The following NR2C2 variants were observed in gnomAD, a reference collection of about 807,000 sequenced individuals.
NR2C2 encodes nuclear receptor subfamily 2 group C member 2, also known as Nuclear hormone receptor TR4.
Under a neutral mutation model 62.9 loss-of-function variants are expected in NR2C2, and 6 were observed. The observed-to-expected ratio is 0.10, with a 90% CI of 0.05 to 0.19. The LOEUF is 0.19. NR2C2 is among the 10% of genes least tolerant of loss of function. The pLI is 1.00. For missense variants in NR2C2, 479 were observed against 762.7 expected, an observed-to-expected ratio of 0.63 and a Z score of 4.38; for synonymous variants, 272 against 273.8, an observed-to-expected ratio of 0.99 and a Z score of 0.07.
chr3:15,011,056 C>T (rs1047244545), intron 2 of NR2C2, among the ~76,000 whole-genome samples: 5 of 152,178 alleles, frequency 3.3e-5, no homozygotes, highest in African/African-American at 1.2e-4. Context: ...TAGACATGAG[C>T]TGGGCTTGGT....
rs2042524380 is a variant in NR2C2, at chr3:15,048,202, C to T, written c.*5194C>T. On this transcript the variant is annotated 3_prime_UTR_variant, in exon 14 of 14. Transcript: ENST00000425241. Reference sequence around the variant, plus strand: ...CAGTGGGTCATTTAGCCTTCAGCTTCCCTGTTTTTGATGTAGAGAAAGCTT... The same window carrying T: ...CAGTGGGTCATTTAGCCTTCAGCTTTCCTGTTTTTGATGTAGAGAAAGCTT... 6.5e-6 allele frequency: 1 copy of T among 152,782 alleles called. No homozygotes were observed. The allele number at this position is 152,782 out of a possible 1,614,324, so 9.5% of individuals were successfully genotyped here.
chr3:14,996,349 T>G lies in NR2C2; in HGVS notation c.-39-7527T>G, dbSNP rs2040831996. Among the ~76,000 whole-genome samples, 3 of 152,308 alleles carry G rather than the reference T, an allele frequency of 2.0e-5. No individual in the cohort carries two copies. The South Asian group carries it at 6.2e-4, about 32-fold the overall frequency. Reference sequence around the variant, plus strand: ...AGAATTTTCTGTTTGAGAGACACATTAGCACATTGTATCATGTGTAGCAAA... The same window carrying G: ...AGAATTTTCTGTTTGAGAGACACATGAGCACATTGTATCATGTGTAGCAAA... On this transcript the variant is annotated intron_variant, in intron 1 of 13. Coordinates refer to ENST00000425241, the MANE Select transcript of NR2C2 (RefSeq NM_001291694.2).
intron 8 of NR2C2, among the ~76,000 whole-genome samples, chr3:15,029,225 G>A (rs1424734450): frequency 6.6e-6 from 1 of 151,636 alleles, no homozygotes. Flanking sequence ...GTTTACAGGC[G>A]TGCGCCACCA....
At chr3:14,972,187 T>C (rs1366822631) in intron 1 of NR2C2, among the ~76,000 whole-genome samples, 1 of 149,642 alleles carries the variant, frequency 6.7e-6, no homozygotes, top group Non-Finnish European at 1.5e-5. Flanking sequence ...TTTTTTTTTT[T>C]TTTCTGAGAC....
intron 2 of NR2C2, among the ~76,000 whole-genome samples, chr3:15,007,783 G>A (rs1278246514): frequency 6.6e-6 from 1 of 152,194 alleles, no homozygotes; most frequent in African/African-American, 2.4e-5. Flanking sequence ...AGCTTAGAGG[G>A]AAGAAATACT....
chr3:15,022,672 C>A (rs1015975603), intron 5 of NR2C2, among the ~76,000 whole-genome samples: 4 of 152,022 alleles, frequency 2.6e-5, no homozygotes, highest in African/African-American at 9.7e-5. Context: ...TGAGCCACCA[C>A]CCCCGGCCCA....
In NR2C2 at chr3:15,021,007, C is replaced by G. The variant is rs891537040; in HGVS notation, c.556+75C>G. The G allele has an allele frequency of 7.2e-6, 10 of 1,389,610 alleles. No individual in the cohort carries two copies. In the Admixed American group the frequency reaches 2.1e-4, roughly 30 times the overall value. The allele number at this position is 1,389,610 out of a possible 1,614,324, so 86.1% of individuals were successfully genotyped here. On this transcript the variant is annotated intron_variant, in intron 5 of 13. Transcript: ENST00000425241. Reference sequence around the variant, plus strand: ...TAAATGAGTCCATTAAATAAGGTTTCTATACCTGGCCTTAAAATACTTTAA... The same window carrying G: ...TAAATGAGTCCATTAAATAAGGTTTGTATACCTGGCCTTAAAATACTTTAA...
In NR2C2 at chr3:14,952,369, C is replaced by T. The variant is rs183389072; in HGVS notation, c.-40+4463C>T. Among the ~76,000 whole-genome samples, 6 of 152,288 alleles carry T rather than the reference C, an allele frequency of 3.9e-5. No individual in the cohort carries two copies. In the South Asian group the frequency reaches 6.2e-4, roughly 16 times the overall value. ...GTGTCTCCACATATCGAGGGCCCTC[C>T]GTTGGGATTTTTATTGTTGAGTTCT... On this transcript the variant is annotated intron_variant, in intron 1 of 13. Transcript: ENST00000425241.
At chr3:15,027,021 C>T (rs2041841186) in intron 7 of NR2C2, 1 of 152,454 alleles carries the variant, frequency 6.6e-6, no homozygotes, top group Admixed American at 6.5e-5. Context: ...TGCGTGCCAC[C>T]ACACCCAGCT....
chr3:14,955,526 C>CA (rs913300133), intron 1 of NR2C2, among the ~76,000 whole-genome samples: 1 of 151,924 alleles, frequency 6.6e-6, no homozygotes, highest in Non-Finnish European at 1.5e-5. Flanking sequence ...ATTTTAGAGT[C>CA]AAAGAGGCCT....
At chr3:14,982,928 A>T (rs1209005135) in intron 1 of NR2C2, among the ~76,000 whole-genome samples, 2 of 152,212 alleles carry the variant, frequency 1.3e-5, no homozygotes, top group Non-Finnish European at 2.9e-5. Flanking sequence ...TTCAGCAAAT[A>T]CTGAATTTTA....
intron 3 of NR2C2, among the ~76,000 whole-genome samples, chr3:15,015,047 T>C (rs2041469773): frequency 6.6e-6 from 1 of 152,182 alleles, no homozygotes; most frequent in Non-Finnish European, 1.5e-5. Flanking sequence ...TTAGACACCT[T>C]ACGCTACACT....
At chr3:15,011,326 G>A (rs2041346872) in intron 2 of NR2C2, among the ~76,000 whole-genome samples, 2 of 152,100 alleles carry the variant, frequency 1.3e-5, no homozygotes, top group South Asian at 2.1e-4. Flanking sequence ...GTGACAAAGC[G>A]AGACTCTTGT....
At chr3:14,992,293 C>T (rs1381330907) in intron 1 of NR2C2, among the ~76,000 whole-genome samples, 3 of 151,938 alleles carry the variant, frequency 2.0e-5, no homozygotes, top group Admixed American at 6.6e-5. Context: ...CTCATAAACC[C>T]CCCTGTGTCG....
intron 4 of NR2C2, 42 bp from the exon 5 acceptor site, chr3:15,020,711 A>G: frequency 3.1e-6 from 5 of 1,604,776 alleles, no homozygotes; most frequent in Non-Finnish European, 4.3e-6. Flanking sequence ...GAATCCACAA[A>G]TATAGTCACA....
intron 1 of NR2C2, among the ~76,000 whole-genome samples, chr3:14,952,086 G>A (rs1007624421): frequency 1.3e-5 from 2 of 152,230 alleles, no homozygotes; most frequent in Admixed American, 1.3e-4. Context: ...GAGTAACATG[G>A]CAAGGGCAGT....
Position 15,047,820 on chromosome 3 carries a change from T to C in NR2C2, c.*4812T>C, listed in dbSNP as rs991286270. 3 of 152,240 alleles carry C rather than the reference T, an allele frequency of 2.0e-5. No homozygotes were observed. The highest frequency in any genetic ancestry group is 4.8e-5 in the African/African-American group (2 of 41,460). 9.4% of individuals were successfully genotyped at this position (152,240 alleles called of 1,614,324 possible). On this transcript the variant is annotated 3_prime_UTR_variant, in exon 14 of 14. Transcript: ENST00000425241. ...ACTTCTCTAACTGTAAGCATGTAAA[T>C]GACTTTAACTCCTTTCTATAAGTTA...
At chr3:15,029,178 C>T (rs1190647348) in intron 8 of NR2C2, among the ~76,000 whole-genome samples, 1 of 150,304 alleles carries the variant, frequency 6.7e-6, no homozygotes, top group African/African-American at 2.5e-5. Context: ...CTCTTGGGCT[C>T]AAGTGATCTT....
chr3:15,004,332 C>T (rs2041106802), intron 2 of NR2C2, among the ~76,000 whole-genome samples: 1 of 152,084 alleles, frequency 6.6e-6, no homozygotes, highest in Non-Finnish European at 1.5e-5. Flanking sequence ...TGACCTTGGT[C>T]AATTAACTTT....
Sources: gnomAD v4.1 joint callset for allele counts (sites outside exome capture counted in the v4.1 genomes callset) on GRCh38, gnomAD v4.1.1 for gene constraint, MANE v1.5 for transcripts, NCBI Gene and HGNC (gene_info 2026-07-23, HGNC 2026-07-21) for gene names.